The following ADAM12 variants were observed in gnomAD, a reference collection of about 807,000 sequenced individuals.
ADAM12 encodes the protein ADAM metallopeptidase domain 12.
ADAM12 carries 70 observed loss-of-function variants against 106.4 expected under a neutral mutation model. The observed-to-expected ratio is 0.66, with a 90% CI of 0.54 to 0.80. The LOEUF is 0.80. Ranked by LOEUF, ADAM12 falls within the 30% of genes least tolerant of loss-of-function variation. The probability of loss-of-function intolerance (pLI) is 0.00; values close to 1 mark genes in which losing one functional copy is unlikely to be tolerated. For missense variants in ADAM12, 1,010 were observed against 1,171.9 expected (o/e 0.86, Z 2.02); for synonymous variants, 420 against 433.5 (o/e 0.97, Z 0.39).
At chr10:126,217,646 C>T (rs961470034) in intron 3 of ADAM12, among the ~76,000 whole-genome samples, 1 of 146,126 alleles carries the variant, frequency 6.8e-6, no homozygotes, top group Admixed American at 6.8e-5. Flanking sequence ...GGATTACAGG[C>T]GTGAGCCACT....
intron 1 of ADAM12, among the ~76,000 whole-genome samples, chr10:126,337,748 T>C (rs1854759523): frequency 6.6e-6 from 1 of 152,164 alleles, no homozygotes; most frequent in Non-Finnish European, 1.5e-5. Context: ...TCTCATTTGG[T>C]TTAGGTTGTT....
intron 4 of ADAM12, among the ~76,000 whole-genome samples, chr10:126,152,712 TC>T (rs1449495265): frequency 6.6e-6 from 1 of 152,102 alleles, no homozygotes; most frequent in African/African-American, 2.4e-5. Context: ...TCTAAGCAGA[TC>T]ATGTTTTCAT....
At chr10:126,120,504 T>G (rs1050854279) in intron 5 of ADAM12, among the ~76,000 whole-genome samples, 1 of 152,216 alleles carries the variant, frequency 6.6e-6, no homozygotes, top group Admixed American at 6.5e-5. Flanking sequence ...GACAAAAGTC[T>G]GTCTGGATGT....
At chr10:126,186,124 G>A (rs1002044857) in intron 3 of ADAM12, among the ~76,000 whole-genome samples, 9 of 152,078 alleles carry the variant, frequency 5.9e-5, no homozygotes, top group Non-Finnish European at 1.0e-4. Context: ...AGCAGGAGCC[G>A]GTGGGGATGC....
chr10:126,351,828 C>T (rs749064178), intron 1 of ADAM12, among the ~76,000 whole-genome samples: 1 of 152,186 alleles, frequency 6.6e-6, no homozygotes, highest in Non-Finnish European at 1.5e-5. Context: ...TAGTTGGCTT[C>T]AGGGGTTATT....
intron 3 of ADAM12, among the ~76,000 whole-genome samples, chr10:126,235,829 G>C (rs1271561747): frequency 1.3e-5 from 2 of 152,210 alleles, no homozygotes; most frequent in East Asian, 3.8e-4. Context: ...CCAAATCGCA[G>C]GGCCTGGCAA....
chr10:126,190,097 C>T lies in ADAM12; in HGVS notation c.261-34792G>A, dbSNP rs921253343. On this transcript the variant is annotated intron_variant, in intron 3 of 22. Coordinates refer to ENST00000448723, the MANE Select transcript of ADAM12 (RefSeq NM_001288973.2). ...TCACTAAGGACCGGGGCCAGGCTTC[C>T]CCACCTGTTGAGACATCCCATCTGT... 1.3e-5 allele frequency among the ~76,000 whole-genome samples: 2 copies of T among 152,262 alleles called. 1 individual carries two copies. Among genetic ancestry groups the T allele is most frequent in the South Asian group, 4.1e-4 (2 of 4,828 alleles).
chr10:126,166,398 C>G (rs1157691715), intron 3 of ADAM12, among the ~76,000 whole-genome samples: 1 of 148,886 alleles, frequency 6.7e-6, no homozygotes, highest in East Asian at 1.9e-4. Flanking sequence ...GAGACTCAGT[C>G]TTAAGGCTTT....
At chr10:126,035,251 C>T (rs1263546609) in intron 21 of ADAM12, among the ~76,000 whole-genome samples, 1 of 152,100 alleles carries the variant, frequency 6.6e-6, no homozygotes, top group African/African-American at 2.4e-5. Context: ...GTCATACAAT[C>T]TTTCAACCCA....
intron 2 of ADAM12, among the ~76,000 whole-genome samples, chr10:126,326,335 C>G (rs1854301561): frequency 6.6e-6 from 1 of 152,010 alleles, no homozygotes; most frequent in Non-Finnish European, 1.5e-5. Context: ...AGGGTGAGAA[C>G]CAGTATACAT....
intron 3 of ADAM12, among the ~76,000 whole-genome samples, chr10:126,274,329 C>T (rs1959200162): frequency 6.6e-6 from 1 of 152,148 alleles, no homozygotes; most frequent in African/African-American, 2.4e-5. Flanking sequence ...GAATGACCTC[C>T]CCTGCCTAGG....
intron 2 of ADAM12, among the ~76,000 whole-genome samples, chr10:126,282,770 G>T (rs918328458): frequency 3.3e-5 from 5 of 151,992 alleles, no homozygotes; most frequent in African/African-American, 1.2e-4. Context: ...ATGCTGTTAT[G>T]CATGTTCCTG....
chr10:126,330,450 C>T lies in ADAM12; in HGVS notation c.148G>A (p.Gly50Arg), dbSNP rs1854469792. 6.2e-7 allele frequency: 1 copy of T among 1,613,954 alleles called. No homozygotes were observed. Among genetic ancestry groups the T allele is most frequent in the East Asian group, 2.2e-5 (1 of 44,860 alleles). ...CTCTTCACTGGGATCCAGAGGTCCC[C>T]ACTCCCAACAGAGGCACTGACAACT... is the stretch of plus-strand genomic sequence containing the variant. Reference protein sequence around the residue: ...DEVVSASVGSGDLWIPVKSFD... With the variant: ...DEVVSASVGSRDLWIPVKSFD... Residue 50 changes from glycine (G) to arginine (R), a missense_variant, in exon 2 of 23, where the codon GGG becomes AGG. Transcript: ENST00000448723.
At chr10:126,360,681 C>T (rs368772326) in intron 1 of ADAM12, among the ~76,000 whole-genome samples, 106 of 152,348 alleles carry the variant, frequency 7.0e-4, no homozygotes, top group Non-Finnish European at 1.4e-3. Context: ...CTAGGGAGTT[C>T]CAAACTTTCT....
At chr10:126,023,604 T>G (rs1315643841) in intron 21 of ADAM12, among the ~76,000 whole-genome samples, 2 of 152,318 alleles carry the variant, frequency 1.3e-5, no homozygotes, top group East Asian at 1.9e-4. Flanking sequence ...AGACAAGACC[T>G]CAGGTTAAGA....
chr10:126,212,977 T>C (rs4962518), intron 3 of ADAM12, among the ~76,000 whole-genome samples: 92,608 of 152,020 alleles, frequency 0.61, 31,266 homozygotes, highest in South Asian at 0.84. Flanking sequence ...TTGGTGGTTT[T>C]TACTACATTC....
intron 3 of ADAM12, among the ~76,000 whole-genome samples, chr10:126,239,143 C>T (rs1386965875): frequency 6.6e-6 from 1 of 152,138 alleles, no homozygotes; most frequent in East Asian, 1.9e-4. Context: ...AGCAATAATG[C>T]CAGTGTTAAA....
chr10:126,228,616 C>G (rs1000603650), intron 3 of ADAM12, among the ~76,000 whole-genome samples: 4 of 152,224 alleles, frequency 2.6e-5, no homozygotes, highest in Admixed American at 1.3e-4. Context: ...TTTTTACACT[C>G]TGGAAATATA....
At chr10:126,042,556 G>GTTTT (rs1207780176) in intron 18 of ADAM12, among the ~76,000 whole-genome samples, 5 of 152,208 alleles carry the variant, frequency 3.3e-5, no homozygotes, top group African/African-American at 1.2e-4. Flanking sequence ...GCACCACACA[G>GTTTT]CACCTGCACA....
Sources: gnomAD v4.1 joint callset for allele counts (sites outside exome capture counted in the v4.1 genomes callset) on GRCh38, gnomAD v4.1.1 for gene constraint, MANE v1.5 for transcripts, NCBI Gene and HGNC (gene_info 2026-07-23, HGNC 2026-07-21) for gene names.